The following AP3M1 variants were observed in gnomAD, a reference collection of about 807,000 sequenced individuals.
AP3M1 encodes the protein AP-3 complex subunit mu-1.
In AP3M1, 29 loss-of-function variants were observed where a neutral mutation model predicts 42.6. The observed-to-expected ratio is 0.68, with a 90% CI of 0.51 to 0.93. The LOEUF (loss-of-function observed/expected upper bound fraction) is 0.93, where lower values mean the gene tolerates loss of function less well. Ranked by LOEUF, AP3M1 falls within the 40% of genes least tolerant of loss-of-function variation. The pLI is 0.00. For synonymous variants in AP3M1, 178 were observed against 175.3 expected (o/e 1.02, Z -0.12); for missense variants, 416 against 510.2 (o/e 0.82, Z 1.78).
At chr10:74,126,970 CAAAAAAAAAA>C (rs58110411) in intron 6 of AP3M1, among the ~76,000 whole-genome samples, 49 of 32,350 alleles carry the variant, frequency 1.5e-3, no homozygotes, top group African/African-American at 5.5e-3. Flanking sequence ...GACGCCATCT[CAAAAAAAAAA>C]AAAAAAAAAA....
chr10:74,127,142 C>T lies in AP3M1; in HGVS notation c.804-787G>A, dbSNP rs575850920. Among the ~76,000 whole-genome samples the T allele has an allele frequency of 1.6e-4, 24 of 152,076 alleles. No homozygotes were observed. The South Asian group carries it at 5.0e-3, about 32-fold the overall frequency. On this transcript the variant is annotated intron_variant, in intron 6 of 8. Transcript: ENST00000355264. ...CAGGAGGATGTGCATAGGTTATATG[C>T]AAATACTACACCATTTTATGTAAGG...
In AP3M1 at chr10:74,138,347, G is replaced by T. The variant is rs138845020; in HGVS notation, c.33C>A (p.Ser11=). MIHSLFLINC[S]GDIFLEKHWK... ...AGTGCTTCTCTAGAAATATGTCACC[G>T]GAACAGTTTATGAGAAATAGACTGT... The change falls in exon 2 of 9, where the codon TCC becomes TCA. Residue 11 remains serine, a synonymous_variant. Coordinates refer to ENST00000355264, the MANE Select transcript of AP3M1 (RefSeq NM_012095.6). 2 of 1,613,888 alleles carry T rather than the reference G, an allele frequency of 1.2e-6. No homozygotes were observed. The highest frequency in any genetic ancestry group is 2.7e-5 in the African/African-American group (2 of 74,870).
chr10:74,134,249 T>C, intron 3 of AP3M1, 85 bp from the exon 4 acceptor site: 2 of 1,432,104 alleles, frequency 1.4e-6, no homozygotes, highest in Non-Finnish European at 1.9e-6. Context: ...AAGCTGCTTC[T>C]TCAATGTTTG....
chr10:74,130,613 G>A (rs1840753143), intron 4 of AP3M1, among the ~76,000 whole-genome samples: 1 of 151,598 alleles, frequency 6.6e-6, no homozygotes, highest in South Asian at 2.1e-4. Flanking sequence ...GCTAATTTTT[G>A]TATTTTTTTT....
chr10:74,149,872 G>C (rs1207552289), intron 1 of AP3M1, among the ~76,000 whole-genome samples: 1 of 152,248 alleles, frequency 6.6e-6, no homozygotes, highest in East Asian at 1.9e-4. Context: ...AATGATGAAG[G>C]ATTGGTCTAC....
chr10:74,129,856 T>G, intron 5 of AP3M1, 51 bp downstream of exon 5: 1 of 1,147,530 alleles, frequency 8.7e-7, no homozygotes, highest in Non-Finnish European at 1.3e-6. Context: ...ATTTAGTACT[T>G]CACATGTATT....
chr10:74,141,743 T>C (rs1406546089), intron 1 of AP3M1, among the ~76,000 whole-genome samples: 1 of 150,432 alleles, frequency 6.6e-6, no homozygotes, highest in East Asian at 1.9e-4. Context: ...GATGGAGTCT[T>C]ACACTGTCGC....
chr10:74,126,393 C>T (rs761398183), intron 6 of AP3M1, 38 bp from the exon 7 acceptor site: 2 of 1,558,012 alleles, frequency 1.3e-6, no homozygotes, highest in Admixed American at 1.7e-5. Flanking sequence ...AAAGCACAAA[C>T]ACAATTAATG....
At position 74,138,296 on chromosome 10, in the gene AP3M1, G is replaced by C. The variant is rs1330624617; in HGVS notation, c.84C>G (p.Val28=). 1 of 1,613,762 alleles carries C rather than the reference G, an allele frequency of 6.2e-7. No homozygotes were observed. The highest frequency in any genetic ancestry group is 8.5e-7 in the Non-Finnish European group (1 of 1,179,972). The change falls in exon 2 of 9, where the codon GTC becomes GTG. Residue 28 remains valine (V), a synonymous_variant. Coordinates refer to ENST00000355264, the MANE Select transcript of AP3M1 (RefSeq NM_012095.6). ...CTTGAGCTTCAAAGAAATAATCACA[G>C]ACAGACTGGCTCACAACGCTCTTCC... is the stretch of plus-strand genomic sequence containing the variant. The part of the protein sequence containing the change: ...KHWKSVVSQS[V]CDYFFEAQEK...
At chr10:74,139,184 T>C (rs1355392284) in intron 1 of AP3M1, among the ~76,000 whole-genome samples, 3 of 151,884 alleles carry the variant, frequency 2.0e-5, no homozygotes, top group Admixed American at 1.3e-4. Context: ...GATACAATCT[T>C]ATATATAGAA....
intron 7 of AP3M1, 60 bp downstream of exon 7, chr10:74,126,088 C>G (rs1245561978): frequency 6.3e-6 from 10 of 1,575,688 alleles, no homozygotes; most frequent in Non-Finnish European, 8.7e-6. Flanking sequence ...CATTCCTCCC[C>G]ACAAATCACA....
chr10:74,125,206 T>C (rs7067855), intron 7 of AP3M1, among the ~76,000 whole-genome samples: 111,733 of 152,076 alleles, frequency 0.73, 41,792 homozygotes, highest in Middle Eastern at 0.85. Context: ...CTCGAACTCC[T>C]GACCTCAGGT....
intron 4 of AP3M1, among the ~76,000 whole-genome samples, chr10:74,131,642 G>A (rs1840783695): frequency 6.6e-6 from 1 of 152,028 alleles, no homozygotes; most frequent in Non-Finnish European, 1.5e-5. Flanking sequence ...TGAACTCCTG[G>A]GCTCAAGCAA....
In AP3M1 at chr10:74,134,149, C is replaced by G. The variant is rs1261941852; in HGVS notation, c.461G>C (p.Gly154Ala). Reference protein sequence around the residue: ...VNSITGSSNVGDTLPTGQLSN... With the variant: ...VNSITGSSNVADTLPTGQLSN... ...CAGCTGCCCGGTGGGGAGTGTGTCC[C>G]CAACATTACTACTGCCTAGAAACCA... is the stretch of plus-strand genomic sequence containing the variant. The change falls in exon 4 of 9, where the codon GGG becomes GCG. Residue 154 changes from glycine to alanine, a missense_variant. By Grantham distance (60) the Gly-to-Ala change is moderately conservative. Transcript: ENST00000355264. 1 of 1,613,824 alleles carries G rather than the reference C, an allele frequency of 6.2e-7. No individual in the cohort carries two copies. The highest frequency in any genetic ancestry group is 1.7e-5 in the Admixed American group (1 of 59,986).
intron 2 of AP3M1, among the ~76,000 whole-genome samples, chr10:74,137,121 T>C (rs1840972882): frequency 6.6e-6 from 1 of 152,146 alleles, no homozygotes; most frequent in Non-Finnish European, 1.5e-5. Flanking sequence ...ACACCTGTGG[T>C]CCCAGCTACT....
Position 74,138,172 on chromosome 10 carries a change from T to A in AP3M1, c.208A>T (p.Ile70Leu). ...YRDKLFFVSV[I>L]QTEVPPLFVI... ...AAGAGAGGTGGCACTTCGGTCTGTA[T>A]GACAGATACAAAGAAGAGCTTATCC... The change falls in exon 2 of 9, where the codon ATA (isoleucine) becomes TTA (leucine). Residue 70 changes from isoleucine (I) to leucine (L), a missense_variant. Coordinates refer to ENST00000355264, the MANE Select transcript of AP3M1 (RefSeq NM_012095.6). 1 of 1,614,164 alleles carries A rather than the reference T, an allele frequency of 6.2e-7. No homozygotes were observed. The highest frequency in any genetic ancestry group is 8.5e-7 in the Non-Finnish European group (1 of 1,180,020).
intron 1 of AP3M1, among the ~76,000 whole-genome samples, chr10:74,143,853 T>C (rs1221281825): frequency 1.3e-5 from 2 of 152,266 alleles, no homozygotes; most frequent in African/African-American, 4.8e-5. Context: ...TCTGCAATGA[T>C]GGAAATGTCC....
chr10:74,126,997 A>G (rs1397266478), intron 6 of AP3M1, among the ~76,000 whole-genome samples: 4 of 148,286 alleles, frequency 2.7e-5, no homozygotes, highest in African/African-American at 1.0e-4. Context: ...AAAAAAAAAA[A>G]AAAAGTAAAA....
intron 1 of AP3M1, among the ~76,000 whole-genome samples, chr10:74,142,241 C>T (rs1396995867): frequency 6.6e-6 from 1 of 152,124 alleles, no homozygotes; most frequent in East Asian, 1.9e-4. Context: ...GGTGTTTAGT[C>T]TAGTGGCTCA....
Sources: gnomAD v4.1 joint callset for allele counts (sites outside exome capture counted in the v4.1 genomes callset) on GRCh38, gnomAD v4.1.1 for gene constraint, MANE v1.5 for transcripts, NCBI Gene and HGNC (gene_info 2026-07-23, HGNC 2026-07-21) for gene names.